Variants in FAM98B observed in about 807,000 individuals in gnomAD.
FAM98B encodes tRNA-splicing ligase complex subunit FAM98B.
In FAM98B, 32 loss-of-function variants were observed where a neutral mutation model predicts 43.9. The observed-to-expected ratio is 0.73, with a 90% CI of 0.55 to 0.98. FAM98B has a LOEUF of 0.98. Ranked by LOEUF, FAM98B falls within the 50% of genes least tolerant of loss-of-function variation. The pLI, the probability that FAM98B is intolerant of heterozygous loss-of-function variation, is 0.00. For synonymous variants in FAM98B, 190 were observed against 174.0 expected (o/e 1.09, Z -0.72); for missense variants, 514 against 522.9 (o/e 0.98, Z 0.17).
At chr15:38,474,728 T>C (rs894628782) in intron 6 of FAM98B, among the ~76,000 whole-genome samples, 3 of 152,092 alleles carry the variant, frequency 2.0e-5, no homozygotes, top group Non-Finnish European at 4.4e-5. Flanking sequence ...TGAGGGCATT[T>C]CCAAATTTGA....
At chr15:38,461,489 A>G (rs768605307) in intron 1 of FAM98B, among the ~76,000 whole-genome samples, 10 of 152,124 alleles carry the variant, frequency 6.6e-5, no homozygotes, top group Non-Finnish European at 1.3e-4. Flanking sequence ...TTCTGATTCT[A>G]CAGAATTAGG....
chr15:38,465,489 A>G, intron 3 of FAM98B, 86 bp downstream of exon 3: 2 of 1,233,058 alleles, frequency 1.6e-6, no homozygotes, highest in Non-Finnish European at 1.1e-6. Flanking sequence ...AGCATTAGAC[A>G]TTTTGTATAT....
rs1890277902 is a variant in FAM98B at position 38,481,178 on chromosome 15, T to G, written c.730-114T>G. 5.9e-6 allele frequency: 5 copies of G among 853,470 alleles called. No homozygotes were observed. In the Admixed American group the frequency reaches 8.3e-5, roughly 14 times the overall value. 52.9% of individuals were successfully genotyped at this position (853,470 alleles called of 1,614,324 possible). On this transcript the variant is annotated intron_variant, in intron 6 of 7. Coordinates refer to ENST00000397609, the MANE Select transcript of FAM98B (RefSeq NM_173611.4). ...ATATTTGGGTGTTTTTGCTCTTTTC[T>G]AACTCCTTGCTTATGCATTATCTCC... is the stretch of plus-strand genomic sequence containing the variant.
In FAM98B at chr15:38,458,929, C is replaced by T. The variant is rs1285888326; in HGVS notation, c.71+4697C>T. The T allele has an allele frequency of 7.1e-6, 3 of 420,520 alleles. No homozygotes were observed. The East Asian group carries it at 1.9e-4, about 26-fold the overall frequency. The allele number at this position is 420,520 out of a possible 1,614,324, so 26.0% of individuals were successfully genotyped here. A position where few individuals can be genotyped will look rare whatever the true frequency, so the allele number is the denominator to read the frequency against. ...ACAAGTTGTCCAGGATGAGGGTTTT[C>T]CTCAGGTTCCTCCCCAGGCGGCTGA... On this transcript the variant is annotated intron_variant, in intron 1 of 7. Transcript: ENST00000397609.
intron 4 of FAM98B, 122 bp from the exon 5 acceptor site, chr15:38,473,383 T>C (rs1890153178): frequency 1.5e-6 from 1 of 648,812 alleles, no homozygotes; most frequent in Non-Finnish European, 2.6e-6. Context: ...TATGATGGTA[T>C]ATTTTAATTA....
Position 38,465,323 on chromosome 15 carries a change from T to C in FAM98B, c.272T>C (p.Met91Thr). Residue 91 changes from methionine to threonine, a missense_variant, in exon 3 of 8, where the codon ATG becomes ACG. Physicochemically the swap from Met to Thr is moderately conservative, Grantham distance 81. Transcript: ENST00000397609. ...QLEISGFLKE[M>T]ACPYSVLISG... ...GAGATAAGTGGCTTTTTAAAAGAAA[T>C]GGCATGTCCATATTCTGTACTCATA... The C allele has an allele frequency of 6.2e-7, 1 of 1,611,676 alleles. No individual in the cohort carries two copies. The highest frequency in any genetic ancestry group is 8.5e-7 in the Non-Finnish European group (1 of 1,179,242).
Position 38,464,153 on chromosome 15 carries a change from T to C in FAM98B, c.193T>C (p.Leu65=), listed in dbSNP as rs371650973. 3.1e-6 allele frequency: 5 copies of C among 1,613,124 alleles called. No homozygotes were observed. The highest frequency in any genetic ancestry group is 3.4e-6 in the Non-Finnish European group (4 of 1,179,536). Residue 65 remains leucine (L), a synonymous_variant, in exon 2 of 8, where the codon TTG becomes CTG. Transcript: ENST00000397609. ...LGSQIKSLCN[L]EESITSAGRD... is the part of the protein sequence containing the mutation. ...CTCTCAAATAAAATCATTATGCAAC[T>C]TGGAAGAAAGTATCACGTCTGCTGG... is the stretch of plus-strand genomic sequence containing the variant.
At chr15:38,481,218 A>G (rs1278374425) in intron 6 of FAM98B, 74 bp from the exon 7 acceptor site, 1 of 1,295,138 alleles carries the variant, frequency 7.7e-7, no homozygotes, top group South Asian at 1.3e-5. Flanking sequence ...CTTTATTTCT[A>G]AAGATTATGA....
chr15:38,464,073 C>T lies in FAM98B; in HGVS notation c.113C>T (p.Ala38Val), dbSNP rs1015523833. ...TTAGAAGAGCAAGCCCTTACAAAGG[C>T]GGCAGAGGGTGGATTATCTTCACCT... The part of the protein sequence containing the change: ...PLLEEQALTK[A>V]AEGGLSSPEF... The change falls in exon 2 of 8, where the codon GCG (alanine) becomes GTG (valine). Residue 38 changes from alanine to valine, a missense_variant. Ala to Val is a moderately conservative substitution (Grantham distance 64). Coordinates refer to ENST00000397609, the MANE Select transcript of FAM98B (RefSeq NM_173611.4). 9.9e-6 allele frequency: 16 copies of T among 1,612,892 alleles called. No homozygotes were observed. The highest frequency in any genetic ancestry group is 1.7e-4 in the Middle Eastern group (1 of 5,938).
At chr15:38,475,461 G>T (rs932952146) in intron 6 of FAM98B, among the ~76,000 whole-genome samples, 4 of 152,144 alleles carry the variant, frequency 2.6e-5, no homozygotes, top group Non-Finnish European at 5.9e-5. Context: ...ATTCTTCCTG[G>T]ATCCTTTAGG....
intron 6 of FAM98B, 58 bp from the exon 7 acceptor site, chr15:38,481,234 T>C: frequency 7.0e-7 from 1 of 1,423,900 alleles, no homozygotes. Context: ...TATGATTGTT[T>C]TTGCTCTTTC....
chr15:38,454,161 C>G lies in FAM98B; in HGVS notation c.-1C>G, dbSNP rs1347175184. 3 of 1,595,350 alleles carry G rather than the reference C, an allele frequency of 1.9e-6. No homozygotes were observed. The African/African-American group carries it at 4.0e-5, about 21-fold the overall frequency. On this transcript the variant is annotated 5_prime_UTR_variant, in exon 1 of 8. Transcript: ENST00000397609. ...GCCGAACAGCTCTGGGCCAAAGGAC[C>G]ATGAGAGGGCCGGAGCCGGGTCCCC...
intron 6 of FAM98B, among the ~76,000 whole-genome samples, chr15:38,477,159 C>T (rs1168929311): frequency 6.7e-6 from 1 of 148,610 alleles, no homozygotes; most frequent in African/African-American, 2.5e-5. Context: ...GAGTAAAGCA[C>T]TATAAAGCCT....
In FAM98B at chr15:38,467,262, A is replaced by C. The variant is rs1168732044; in HGVS notation, c.352+1859A>C. Among the ~76,000 whole-genome samples, 13 of 152,290 alleles carry C rather than the reference A, an allele frequency of 8.5e-5. 1 individual carries two copies. The South Asian group carries it at 2.7e-3, about 32-fold the overall frequency. ...TCATATTGATATAATAAGCTTCTTCATGTTCTTTTTGAAAGTGTTTGCAAC... is the reference window on the plus strand; with the variant it reads ...TCATATTGATATAATAAGCTTCTTCCTGTTCTTTTTGAAAGTGTTTGCAAC... On this transcript the variant is annotated intron_variant, in intron 3 of 7. Transcript: ENST00000397609.
chr15:38,472,381 G>A (rs1023282688), intron 4 of FAM98B, among the ~76,000 whole-genome samples: 2 of 152,028 alleles, frequency 1.3e-5, no homozygotes, highest in Admixed American at 6.6e-5. Context: ...TGTACAAATT[G>A]TATCAGTAGA....
chr15:38,482,979 G>A (rs561598829), intron 7 of FAM98B: 1 of 152,286 alleles, frequency 6.6e-6, no homozygotes, highest in Non-Finnish European at 1.5e-5. Context: ...GTGAGCTTAA[G>A]TTTCTTAAAA....
intron 4 of FAM98B, among the ~76,000 whole-genome samples, chr15:38,472,497 C>T (rs1890142661): frequency 6.6e-6 from 1 of 151,918 alleles, no homozygotes; most frequent in Non-Finnish European, 1.5e-5. Flanking sequence ...TTTTAAAACA[C>T]CATTTATGAA....
intron 6 of FAM98B, among the ~76,000 whole-genome samples, chr15:38,476,291 A>G (rs1172979562): frequency 1.3e-5 from 2 of 152,092 alleles, no homozygotes; most frequent in African/African-American, 4.8e-5. Context: ...GTTTCTCTGT[A>G]AGCTTTTGGG....
intron 1 of FAM98B, among the ~76,000 whole-genome samples, chr15:38,454,634 A>G (rs928727110): frequency 6.6e-6 from 1 of 152,180 alleles, no homozygotes; most frequent in African/African-American, 2.4e-5. Flanking sequence ...TGTCTCCTAC[A>G]ATGTACAACT....
Sources: gnomAD v4.1 joint callset for allele counts (sites outside exome capture counted in the v4.1 genomes callset) on GRCh38, gnomAD v4.1.1 for gene constraint, MANE v1.5 for transcripts, NCBI Gene and HGNC (gene_info 2026-07-23, HGNC 2026-07-21) for gene names.